The following VTI1A variants were observed in gnomAD, a reference collection of about 807,000 sequenced individuals.
VTI1A encodes vesicle transport through interaction with t-SNAREs 1A.
In VTI1A, 22 loss-of-function variants were observed where a neutral mutation model predicts 34.9. The observed-to-expected ratio is 0.63, with a 90% CI of 0.45 to 0.90. The LOEUF (loss-of-function observed/expected upper bound fraction) is 0.90, where lower values mean the gene tolerates loss of function less well. VTI1A is among the 40% of genes least tolerant of loss of function. The pLI, the probability that VTI1A is intolerant of heterozygous loss-of-function variation, is 0.00. For missense variants in VTI1A, 268 were observed against 275.6 expected (o/e 0.97, Z 0.20); for synonymous variants, 87 against 97.3 (o/e 0.89, Z 0.62).
At chr10:112,845,816 G>A in the VTI1A span, among the ~76,000 whole-genome samples, 4 of 152,164 alleles carry the variant, frequency 2.6e-5, no homozygotes, top group Non-Finnish European at 5.9e-5. Context: ...TCAGGAATTC[G>A]AGACCAGCCT....
At chr10:112,622,311 G>A (rs1347472234) in intron 5 of VTI1A, among the ~76,000 whole-genome samples, 1 of 152,188 alleles carries the variant, frequency 6.6e-6, no homozygotes, top group Non-Finnish European at 1.5e-5. Flanking sequence ...ACACCCAGCT[G>A]AAGCAAGGTC....
At chr10:112,638,509 C>G (rs141943578) in intron 5 of VTI1A, among the ~76,000 whole-genome samples, 16 of 152,168 alleles carry the variant, frequency 1.1e-4, no homozygotes, top group South Asian at 2.1e-4. Context: ...TAACAACACC[C>G]TAAGTATTTG....
intron 7 of VTI1A, among the ~76,000 whole-genome samples, chr10:112,691,588 T>C (rs952787417): frequency 3.9e-5 from 6 of 152,170 alleles, no homozygotes; most frequent in African/African-American, 1.4e-4. Context: ...ACAAGTGATA[T>C]ATCCAAATGA....
chr10:112,535,486 A>C (rs903012491), intron 4 of VTI1A, among the ~76,000 whole-genome samples: 1 of 152,192 alleles, frequency 6.6e-6, no homozygotes, highest in South Asian at 2.1e-4. Flanking sequence ...TGGAAACAAA[A>C]ATATGCCCCT....
At chr10:112,556,423 G>A (rs1851546907) in intron 5 of VTI1A, among the ~76,000 whole-genome samples, 1 of 151,944 alleles carries the variant, frequency 6.6e-6, no homozygotes, top group Admixed American at 6.6e-5. Context: ...CCTCATAAAT[G>A]ATTCAGTATC....
At chr10:112,551,870 A>G (rs1431275022) in intron 5 of VTI1A, among the ~76,000 whole-genome samples, 1 of 152,194 alleles carries the variant, frequency 6.6e-6, no homozygotes, top group African/African-American at 2.4e-5. Flanking sequence ...GGGGTGTCCT[A>G]TGGCATAGCT....
intron 7 of VTI1A, among the ~76,000 whole-genome samples, chr10:112,673,468 G>GCGCGCACACACACAAA (rs1554938762): frequency 6.6e-6 from 1 of 151,562 alleles, no homozygotes; most frequent in African/African-American, 2.4e-5. Flanking sequence ...GCGTGCGCGC[G>GCGCGCACACACACAAA]CACACACACA....
intron 6 of VTI1A, 87 bp downstream of exon 6, chr10:112,668,375 G>A: frequency 7.3e-7 from 1 of 1,363,848 alleles, no homozygotes; most frequent in Non-Finnish European, 1.0e-6. Context: ...TAGCAATTAG[G>A]TAGATATATG....
intron 7 of VTI1A, among the ~76,000 whole-genome samples, chr10:112,803,448 A>G (rs1184824624): frequency 6.6e-6 from 1 of 152,234 alleles, no homozygotes; most frequent in African/African-American, 2.4e-5. Context: ...AGTTGCCGTC[A>G]GGTACAGACA....
chr10:112,749,816 TG>T (rs1851036336), intron 7 of VTI1A, among the ~76,000 whole-genome samples: 1 of 152,204 alleles, frequency 6.6e-6, no homozygotes, highest in African/African-American at 2.4e-5. Context: ...AGGCATTTTT[TG>T]CAGCACTGGA....
intron 3 of VTI1A, among the ~76,000 whole-genome samples, chr10:112,509,272 A>G (rs1450335418): frequency 6.6e-6 from 1 of 152,210 alleles, no homozygotes; most frequent in Non-Finnish European, 1.5e-5. Context: ...CGCTTAAAAG[A>G]CAAAGCTGGA....
At chr10:112,837,202 C>T in the VTI1A span, among the ~76,000 whole-genome samples, 9 of 152,276 alleles carry the variant, frequency 5.9e-5, no homozygotes, top group East Asian at 1.4e-3. Flanking sequence ...TGGTGCACAC[C>T]GGTAATCCCA....
intron 7 of VTI1A, among the ~76,000 whole-genome samples, chr10:112,786,785 C>G (rs990165600): frequency 6.6e-6 from 1 of 152,016 alleles, no homozygotes; most frequent in African/African-American, 2.4e-5. Flanking sequence ...GGGATAAGTC[C>G]CACTTGGTCA....
At chr10:112,537,627 A>G (rs188509267) in intron 4 of VTI1A, among the ~76,000 whole-genome samples, 122 of 152,230 alleles carry the variant, frequency 8.0e-4, no homozygotes, top group Non-Finnish European at 1.3e-3. Flanking sequence ...TTAGGAACAA[A>G]TGCACAATAT....
At chr10:112,480,790 A>G (rs565375665) in intron 3 of VTI1A, among the ~76,000 whole-genome samples, 10 of 152,322 alleles carry the variant, frequency 6.6e-5, no homozygotes, top group East Asian at 1.9e-4. Flanking sequence ...ATACTTTGCT[A>G]TACATTAGAA....
intron 4 of VTI1A, among the ~76,000 whole-genome samples, chr10:112,537,311 GTATATATATATATATA>G (rs10682533): frequency 3.2e-4 from 21 of 65,278 alleles, no homozygotes; most frequent in Non-Finnish European, 7.1e-4. Context: ...AAGTATCTAG[GTATATATATATATATA>G]TATATATATA....
intron 5 of VTI1A, among the ~76,000 whole-genome samples, chr10:112,660,617 C>T (rs769902128): frequency 1.1e-4 from 17 of 152,142 alleles, no homozygotes; most frequent in Non-Finnish European, 1.9e-4. Flanking sequence ...ATACAGTGAC[C>T]GCTAACCACA....
intron 3 of VTI1A, among the ~76,000 whole-genome samples, chr10:112,490,852 C>T (rs1848796268): frequency 6.6e-6 from 1 of 152,166 alleles, no homozygotes; most frequent in South Asian, 2.1e-4. Flanking sequence ...GACCTGGCTG[C>T]TTTCCAGCTT....
chr10:112,510,159 CTCT>C (rs1426004737), intron 3 of VTI1A, among the ~76,000 whole-genome samples: 3 of 152,298 alleles, frequency 2.0e-5, no homozygotes, highest in African/African-American at 7.2e-5. Context: ...AGTGTGTATT[CTCT>C]TCAAGAACAT....
Sources: gnomAD v4.1 joint callset for allele counts (sites outside exome capture counted in the v4.1 genomes callset) on GRCh38, gnomAD v4.1.1 for gene constraint, MANE v1.5 for transcripts, NCBI Gene and HGNC (gene_info 2026-07-23, HGNC 2026-07-21) for gene names.